Variants in WWOX observed in about 807,000 individuals in gnomAD.
WWOX encodes the protein WW domain-containing oxidoreductase.
Under a neutral mutation model 46.2 loss-of-function variants are expected in WWOX, and 69 were observed. That is an observed-to-expected ratio of 1.49 (90% CI 1.23 to 1.82). WWOX has a LOEUF of 1.82. Among genes scored for constraint, WWOX ranks in the 40% most tolerant of loss-of-function variants. The pLI is 0.00. For missense variants in WWOX, 919 were observed against 542.6 expected, an observed-to-expected ratio of 1.69 and a Z score of -6.89; for synonymous variants, 359 against 202.6, an observed-to-expected ratio of 1.77 and a Z score of -6.56.
chr16:78,387,882 G>A (rs2082093357), intron 6 of WWOX, among the ~76,000 whole-genome samples: 1 of 152,078 alleles, frequency 6.6e-6, no homozygotes, highest in Admixed American at 6.6e-5. Flanking sequence ...CAGAACCACT[G>A]AATGTGGAGA....
At chr16:78,553,548 A>G (rs1471694508) in intron 8 of WWOX, among the ~76,000 whole-genome samples, 1 of 152,140 alleles carries the variant, frequency 6.6e-6, no homozygotes, top group Non-Finnish European at 1.5e-5. Flanking sequence ...GCTGTCTACT[A>G]TCTCTAAGAA....
At chr16:78,728,048 C>CTCCTTCCT (rs150455951) in intron 8 of WWOX, among the ~76,000 whole-genome samples, 1 of 89,456 alleles carries the variant, frequency 1.1e-5, no homozygotes, top group African/African-American at 4.8e-5. Context: ...TCCTCTCTCC[C>CTCCTTCCT]TCCTTCCTTT....
intron 8 of WWOX, among the ~76,000 whole-genome samples, chr16:79,080,266 C>CCTTTTCTCTGTCTCTCATCTCTG (rs1470123707): frequency 6.6e-6 from 1 of 152,158 alleles, no homozygotes; most frequent in African/African-American, 2.4e-5. Flanking sequence ...ACACAGGAGT[C>CCTTTTCTCTGTCTCTCATCTCTG]CTTTTCTCTG....
chr16:79,040,739 C>A (rs996721577), intron 8 of WWOX, among the ~76,000 whole-genome samples: 5 of 152,078 alleles, frequency 3.3e-5, no homozygotes, highest in African/African-American at 9.7e-5. Flanking sequence ...CAGAGATCCC[C>A]CTAGACTTGT....
intron 8 of WWOX, among the ~76,000 whole-genome samples, chr16:78,589,213 G>T (rs574622010): frequency 1.4e-4 from 21 of 152,316 alleles, no homozygotes; most frequent in African/African-American, 5.1e-4. Context: ...TCTTATTGCG[G>T]TAAGTGCTCA....
chr16:78,237,168 A>T (rs2151814561), intron 5 of WWOX, among the ~76,000 whole-genome samples: 1 of 151,600 alleles, frequency 6.6e-6, no homozygotes, highest in Admixed American at 6.6e-5. Flanking sequence ...TCAAAGTCTG[A>T]CTGATTTATG....
chr16:78,446,432 G>C (rs1277552795), intron 8 of WWOX, among the ~76,000 whole-genome samples: 1 of 152,126 alleles, frequency 6.6e-6, no homozygotes, highest in African/African-American at 2.4e-5. Flanking sequence ...GGCGGTTGTT[G>C]CAAGGACTAA....
At chr16:79,190,079 C>T (rs893942556) in intron 8 of WWOX, among the ~76,000 whole-genome samples, 3 of 152,086 alleles carry the variant, frequency 2.0e-5, no homozygotes, top group African/African-American at 4.8e-5. Flanking sequence ...TCGCCCAGGG[C>T]GGCGGTGTGA....
At position 79,176,985 on chromosome 16, in the gene WWOX, G is replaced by A. The variant is rs80296420; in HGVS notation, c.1057-34623G>A. On this transcript the variant is annotated intron_variant, in intron 8 of 8. Transcript: ENST00000566780. ...TGCTGAAAATGGAGTACAATGAATA[G>A]ATGTATAATAAAATCTTTTAATTGT... is the stretch of plus-strand genomic sequence containing the variant. Among the ~76,000 whole-genome samples, 23 of 152,208 alleles carry A rather than the reference G, an allele frequency of 1.5e-4. No individual in the cohort carries two copies. In the East Asian group the frequency reaches 4.1e-3, roughly 27 times the overall value.
rs148443569 is a variant in WWOX, at chr16:78,744,777, A to C, written c.1056+312025A>C. ...TTCTATTACCCGAAAACAGTGTGGAAAATATTAATTACAAGGGAGATTAAA... is the reference window on the plus strand; with the variant it reads ...TTCTATTACCCGAAAACAGTGTGGACAATATTAATTACAAGGGAGATTAAA... On this transcript the variant is annotated intron_variant, in intron 8 of 8. Coordinates refer to ENST00000566780, the MANE Select transcript of WWOX (RefSeq NM_016373.4). Among the ~76,000 whole-genome samples, 341 of 152,298 alleles carry C rather than the reference A, an allele frequency of 2.2e-3. 1 individual carries two copies. The highest frequency in any genetic ancestry group is 8.0e-3 in the African/African-American group (334 of 41,574).
intron 8 of WWOX, among the ~76,000 whole-genome samples, chr16:79,093,928 G>A (rs116598964): frequency 6.6e-6 from 1 of 152,258 alleles, no homozygotes; most frequent in African/African-American, 2.4e-5. Flanking sequence ...GAGAGAAAGG[G>A]GAGGAAGCCC....
intron 8 of WWOX, among the ~76,000 whole-genome samples, chr16:79,189,515 G>A (rs144509985): frequency 4.0e-5 from 6 of 149,948 alleles, no homozygotes; most frequent in Non-Finnish European, 7.4e-5. Context: ...TGGCCAGGCC[G>A]GTCTCAAACT....
At chr16:78,395,154 ACT>A (rs1480339399) in intron 6 of WWOX, among the ~76,000 whole-genome samples, 11 of 152,178 alleles carry the variant, frequency 7.2e-5, no homozygotes, top group Non-Finnish European at 1.5e-4. Flanking sequence ...CAATAAGACA[ACT>A]AATTAATTAA....
intron 8 of WWOX, among the ~76,000 whole-genome samples, chr16:78,652,966 A>G (rs1027393952): frequency 1.3e-5 from 2 of 152,230 alleles, no homozygotes; most frequent in African/African-American, 4.8e-5. Flanking sequence ...TAAATAATAT[A>G]CATGGTAGAA....
chr16:79,129,705 A>T (rs938366949), intron 8 of WWOX, among the ~76,000 whole-genome samples: 1 of 152,162 alleles, frequency 6.6e-6, no homozygotes, highest in African/African-American at 2.4e-5. Context: ...CACTGTGCCT[A>T]TGATTTATTA....
At chr16:78,538,602 C>T (rs896822717) in intron 8 of WWOX, among the ~76,000 whole-genome samples, 2 of 152,204 alleles carry the variant, frequency 1.3e-5, no homozygotes, top group African/African-American at 4.8e-5. Context: ...ATTGCTCAAG[C>T]TGCAGTTTAT....
At chr16:78,301,887 C>A (rs2080048427) in intron 5 of WWOX, among the ~76,000 whole-genome samples, 1 of 151,840 alleles carries the variant, frequency 6.6e-6, no homozygotes, top group African/African-American at 2.4e-5. Context: ...TCTTAGATCA[C>A]AGAGTAAGGC....
intron 8 of WWOX, among the ~76,000 whole-genome samples, chr16:78,674,766 G>A (rs1037358823): frequency 1.3e-5 from 2 of 151,756 alleles, no homozygotes; most frequent in Non-Finnish European, 2.9e-5. Context: ...GAGGAGTAAT[G>A]GAAGGACATG....
At chr16:78,771,569 C>T (rs920685847) in intron 8 of WWOX, among the ~76,000 whole-genome samples, 3 of 151,972 alleles carry the variant, frequency 2.0e-5, no homozygotes, top group South Asian at 2.1e-4. Flanking sequence ...GTCAGGAGTT[C>T]GAGACCAGCC....
Sources: gnomAD v4.1 joint callset for allele counts (sites outside exome capture counted in the v4.1 genomes callset) on GRCh38, gnomAD v4.1.1 for gene constraint, MANE v1.5 for transcripts, NCBI Gene and HGNC (gene_info 2026-07-23, HGNC 2026-07-21) for gene names.